The following B3GALT1 variants were observed in gnomAD, a reference collection of about 807,000 sequenced individuals.
The protein encoded by B3GALT1 is beta-1,3-galactosyltransferase 1, also known as UDP-Gal:betaGlcNAc beta 1,3-galactosyltransferase, polypeptide 1.
B3GALT1 carries 10 observed loss-of-function variants against 23.2 expected under a neutral mutation model. The ratio of observed to expected loss-of-function variants is 0.43; its 90% confidence interval spans 0.27 to 0.73. B3GALT1 has a LOEUF of 0.73. Among genes scored for constraint, B3GALT1 ranks in the 30% least tolerant of loss-of-function variants. The probability of loss-of-function intolerance (pLI) is 0.21; values close to 1 mark genes in which losing one functional copy is unlikely to be tolerated. For synonymous variants in B3GALT1, 156 were observed against 141.5 expected (o/e 1.10, Z -0.73); for missense variants, 299 against 405.4 (o/e 0.74, Z 2.25).
In B3GALT1 at chr2:167,521,982, G is replaced by GTATA. The variant is rs1406145422; in HGVS notation, c.-410+31706_-410+31707insATAT. On this transcript the variant is annotated intron_variant, in intron 2 of 4. Coordinates refer to ENST00000392690, the MANE Select transcript of B3GALT1 (RefSeq NM_020981.4). ...TACCAACATATATGTGTGTGTGTGT[G>GTATA]TGTATATATATATATATATATATAC... 6.0e-3 allele frequency among the ~76,000 whole-genome samples: 810 copies of GTATA among 135,198 alleles called. 5 individuals are homozygous for GTATA. Among genetic ancestry groups the GTATA allele is most frequent in the African/African-American group, 0.018 (648 of 35,964 alleles). 88.7% of individuals were successfully genotyped at this position (135,198 alleles called of 152,430 possible). A position where few individuals can be genotyped will look rare whatever the true frequency, so the allele number is the denominator to read the frequency against.
At chr2:167,604,944 CT>C (rs1378918873) in intron 2 of B3GALT1, among the ~76,000 whole-genome samples, 1 of 152,170 alleles carries the variant, frequency 6.6e-6, no homozygotes, top group African/African-American at 2.4e-5. Context: ...CTCTGTCCTG[CT>C]TTTTATAGTC....
At chr2:167,418,122 C>T (rs777851317) in intron 1 of B3GALT1, among the ~76,000 whole-genome samples, 1 of 152,134 alleles carries the variant, frequency 6.6e-6, no homozygotes, top group Non-Finnish European at 1.5e-5. Flanking sequence ...ATGTTATGCT[C>T]CTTCGTTTGA....
At chr2:167,733,700 A>C (rs1284418845) in intron 3 of B3GALT1, among the ~76,000 whole-genome samples, 1 of 152,186 alleles carries the variant, frequency 6.6e-6, no homozygotes, top group African/African-American at 2.4e-5. Flanking sequence ...TTGCTGATGA[A>C]GTCAGTATGA....
At chr2:167,814,395 A>G (rs1041619432) in intron 3 of B3GALT1, among the ~76,000 whole-genome samples, 4 of 152,242 alleles carry the variant, frequency 2.6e-5, no homozygotes, top group Non-Finnish European at 5.9e-5. Flanking sequence ...GGCTTGGCCT[A>G]GAGAAGCTAT....
intron 3 of B3GALT1, among the ~76,000 whole-genome samples, chr2:167,809,443 G>A (rs1314268746): frequency 6.6e-6 from 1 of 152,244 alleles, no homozygotes; most frequent in African/African-American, 2.4e-5. Context: ...TGATGATGGT[G>A]ACGTACAGAT....
chr2:167,617,817 A>G (rs1443969769), intron 2 of B3GALT1, among the ~76,000 whole-genome samples: 1 of 152,050 alleles, frequency 6.6e-6, no homozygotes, highest in Admixed American at 6.6e-5. Context: ...GGCTATAATT[A>G]AAGAGCTGGG....
intron 2 of B3GALT1, among the ~76,000 whole-genome samples, chr2:167,589,600 CAT>C (rs566076634): frequency 4.7e-4 from 72 of 152,216 alleles, no homozygotes; most frequent in African/African-American, 1.6e-3. Context: ...AGTTTTATCA[CAT>C]GCTTCTGATA....
intron 3 of B3GALT1, chr2:167,713,995 A>T: frequency 6.4e-7 from 1 of 1,550,404 alleles, no homozygotes; most frequent in East Asian, 2.3e-5. Context: ...GTGGAGGAAT[A>T]AAGCCGGGGC....
At chr2:167,722,980 T>A (rs1346818549) in intron 3 of B3GALT1, among the ~76,000 whole-genome samples, 1 of 152,218 alleles carries the variant, frequency 6.6e-6, no homozygotes, top group Non-Finnish European at 1.5e-5. Flanking sequence ...CTAAATTCCT[T>A]ACAGGTAAAA....
At chr2:167,641,130 C>A (rs1438887757) in intron 2 of B3GALT1, among the ~76,000 whole-genome samples, 1 of 152,108 alleles carries the variant, frequency 6.6e-6, no homozygotes, top group Non-Finnish European at 1.5e-5. Flanking sequence ...AGTATGCTGT[C>A]AAAGTGCTTA....
chr2:167,516,950 GTATA>G (rs779431606), intron 2 of B3GALT1, among the ~76,000 whole-genome samples: 8 of 93,304 alleles, frequency 8.6e-5, no homozygotes, highest in Non-Finnish European at 9.0e-5. Flanking sequence ...TTCTGTGTGT[GTATA>G]TATATATATA....
chr2:167,831,621 GA>G (rs1689356045), intron 4 of B3GALT1, among the ~76,000 whole-genome samples: 1 of 152,092 alleles, frequency 6.6e-6, no homozygotes, highest in African/African-American at 2.4e-5. Flanking sequence ...TGAATAGAGG[GA>G]AAAAGAGATG....
At chr2:167,567,592 T>C (rs979668581) in intron 2 of B3GALT1, among the ~76,000 whole-genome samples, 1 of 152,158 alleles carries the variant, frequency 6.6e-6, no homozygotes, top group African/African-American at 2.4e-5. Context: ...TTTAGAGCAG[T>C]TTTATTTTCA....
At chr2:167,528,675 A>C (rs542356372) in intron 2 of B3GALT1, among the ~76,000 whole-genome samples, 1 of 152,168 alleles carries the variant, frequency 6.6e-6, no homozygotes, top group Non-Finnish European at 1.5e-5. Context: ...TACATGCTCT[A>C]TACAGTTTTT....
chr2:167,328,153 T>C (rs1189391355), intron 1 of B3GALT1, among the ~76,000 whole-genome samples: 1 of 152,214 alleles, frequency 6.6e-6, no homozygotes, highest in Non-Finnish European at 1.5e-5. Context: ...TGTGCCTGTG[T>C]TCATCAGAGA....
chr2:167,585,587 G>A (rs116015800), intron 2 of B3GALT1, among the ~76,000 whole-genome samples: 2 of 152,168 alleles, frequency 1.3e-5, no homozygotes, highest in Non-Finnish European at 2.9e-5. Flanking sequence ...TAGTGGGAAC[G>A]TATATTTGAA....
chr2:167,335,736 G>A (rs542083437), intron 1 of B3GALT1, among the ~76,000 whole-genome samples: 4 of 152,094 alleles, frequency 2.6e-5, no homozygotes, highest in Non-Finnish European at 4.4e-5. Context: ...GTTCACTTTC[G>A]TTGCCTTGAG....
At chr2:167,325,619 C>G (rs1696879817) in intron 1 of B3GALT1, among the ~76,000 whole-genome samples, 1 of 151,598 alleles carries the variant, frequency 6.6e-6, no homozygotes, top group South Asian at 2.1e-4. Context: ...GGTGAAAACA[C>G]AGATCCAAGC....
intron 2 of B3GALT1, among the ~76,000 whole-genome samples, chr2:167,595,342 A>G (rs1044477103): frequency 3.9e-5 from 6 of 152,182 alleles, no homozygotes; most frequent in African/African-American, 9.7e-5. Context: ...CACCCATATC[A>G]TGTGCTGTCT....
Sources: gnomAD v4.1 joint callset for allele counts (sites outside exome capture counted in the v4.1 genomes callset) on GRCh38, gnomAD v4.1.1 for gene constraint, MANE v1.5 for transcripts, NCBI Gene and HGNC (gene_info 2026-07-23, HGNC 2026-07-21) for gene names.